Variants in CRAMP1 observed in about 807,000 individuals in gnomAD.
CRAMP1 encodes the protein cramped chromatin regulator 1.
Under a neutral mutation model 115.4 loss-of-function variants are expected in CRAMP1, and 50 were observed. The ratio of observed to expected loss-of-function variants is 0.43; its 90% CI spans 0.35 to 0.55. The LOEUF (loss-of-function observed/expected upper bound fraction) is 0.55. Among genes scored for constraint, CRAMP1 ranks in the 20% least tolerant of loss-of-function variants. The probability of loss-of-function intolerance (pLI) is 0.01; values close to 1 mark genes in which losing one functional copy is unlikely to be tolerated. For synonymous variants in CRAMP1, 866 were observed against 745.4 expected, an observed-to-expected ratio of 1.16 and a Z score of -2.64; for missense variants, 1,679 against 1,721.7, an observed-to-expected ratio of 0.98 and a Z score of 0.44.
intron 6 of CRAMP1, 141 bp downstream of exon 6, chr16:1,641,328 C>T (rs975824923): frequency 5.9e-6 from 4 of 672,272 alleles, no homozygotes; most frequent in Non-Finnish European, 1.1e-5. Context: ...TCAGTCCCAA[C>T]AAAAGGTGCT....
At chr16:1,665,806 G>A (rs2142206362) in intron 14 of CRAMP1, 1 of 474,352 alleles carries the variant, frequency 2.1e-6, no homozygotes, top group South Asian at 2.8e-5. Flanking sequence ...CCCTTCAAGA[G>A]CCATTTCCGC....
At chr16:1,634,569 G>A (rs1208185439) in intron 4 of CRAMP1, among the ~76,000 whole-genome samples, 4 of 152,030 alleles carry the variant, frequency 2.6e-5, no homozygotes, top group African/African-American at 7.2e-5. Flanking sequence ...TTCCTGACCT[G>A]GCACAGCAGG....
At chr16:1,643,830 C>T (rs1288782915) in intron 6 of CRAMP1, among the ~76,000 whole-genome samples, 2 of 152,250 alleles carry the variant, frequency 1.3e-5, no homozygotes, top group Admixed American at 6.5e-5. Flanking sequence ...GCATGTTGGC[C>T]AGAAGGCGGC....
At chr16:1,640,880 TG>T (rs1040693661) in intron 5 of CRAMP1, among the ~76,000 whole-genome samples, 2 of 152,100 alleles carry the variant, frequency 1.3e-5, no homozygotes, top group Admixed American at 1.3e-4. Context: ...GGTCAGAGGC[TG>T]GGTAGTGGGC....
intron 2 of CRAMP1, 106 bp downstream of exon 2, chr16:1,615,091 C>G: frequency 1.6e-6 from 1 of 615,970 alleles, no homozygotes. Flanking sequence ...TCACCCATCC[C>G]GCGGCCTACA....
chr16:1,669,071 C>G lies in CRAMP1; in HGVS notation c.3405C>G (p.Ser1135=). 6.2e-7 allele frequency: 1 copy of G among 1,612,354 alleles called. No homozygotes were observed. Among genetic ancestry groups the G allele is most frequent in the South Asian group, 1.1e-5 (1 of 90,672 alleles). Residue 1135 remains serine, a synonymous_variant, in exon 19 of 21, where the codon TCC becomes TCG. Coordinates refer to ENST00000397412, the MANE Select transcript of CRAMP1 (RefSeq NM_020825.4). The surrounding 1 kb of genome is among the most constrained non-coding windows in gnomAD (Gnocchi z 4.6). ...SDSSKSLPSP[S]SSPQPHWIAS... Reference sequence around the variant, plus strand: ...GTTCCAAGAGCCTTCCCTCCCCGTCCAGCAGCCCCCAGCCACACTGGATCG... The same window carrying G: ...GTTCCAAGAGCCTTCCCTCCCCGTCGAGCAGCCCCCAGCCACACTGGATCG...
intron 2 of CRAMP1, among the ~76,000 whole-genome samples, chr16:1,622,753 CTTTT>C (rs936343370): frequency 7.7e-6 from 1 of 129,362 alleles, no homozygotes; most frequent in African/African-American, 2.9e-5. Flanking sequence ...CGGCAGTCTA[CTTTT>C]TTTTTTTTTT....
At chr16:1,633,828 G>A (rs1042597599) in intron 4 of CRAMP1, among the ~76,000 whole-genome samples, 2 of 152,154 alleles carry the variant, frequency 1.3e-5, no homozygotes, top group African/African-American at 4.8e-5. Flanking sequence ...TCAGCACTTT[G>A]GGAGGCAGAG....
chr16:1,614,720 C>T lies in CRAMP1; in HGVS notation c.81C>T (p.Ser27=), dbSNP rs778881967. 3 of 1,361,758 alleles carry T rather than the reference C, an allele frequency of 2.2e-6. No homozygotes were observed. The highest frequency in any genetic ancestry group is 2.8e-5 in the Admixed American group (1 of 36,120). 84.4% of individuals were successfully genotyped at this position (1,361,758 alleles called of 1,614,324 possible). ...GCAAGCGGGCGGCCGATGAGGAGTC[C>T]CTGGAAGGAGAAGGGGCCGGCGGCG... ...KLGKRAADEE[S]LEGEGAGGAD... Residue 27 remains serine, a synonymous_variant, in exon 2 of 21, where the codon TCC becomes TCT. Transcript: ENST00000397412. The surrounding 1 kb of genome is among the most constrained non-coding windows in gnomAD (Gnocchi z 4.4).
intron 4 of CRAMP1, 22 bp from the exon 5 acceptor site, chr16:1,637,802 C>T (rs943247321): frequency 3.9e-5 from 54 of 1,390,084 alleles, no homozygotes; most frequent in Middle Eastern, 3.7e-4. Flanking sequence ...TCTCTAAAGC[C>T]GCCTTCTCTT....
Position 1,660,017 on chromosome 16 carries a change from C to A in CRAMP1, c.2367C>A (p.Leu789=), listed in dbSNP as rs1596495704. Residue 789 remains leucine, a synonymous_variant, in exon 11 of 21, where the codon CTC becomes CTA. Coordinates refer to ENST00000397412, the MANE Select transcript of CRAMP1 (RefSeq NM_020825.4). ...GCTGCCCTCGGAACCAGGCCTCCCT[C>A]CGCAGCAGCAAGACCTTCCCGCCCA... ...SPRCPRNQAS[L]RSSKTFPPSS... The A allele has an allele frequency of 6.2e-7, 1 of 1,601,992 alleles. No individual in the cohort carries two copies. The highest frequency in any genetic ancestry group is 1.1e-5 in the South Asian group (1 of 90,918).
chr16:1,667,978 C>A lies in CRAMP1; in HGVS notation c.3119C>A (p.Ser1040Tyr). The change falls in exon 18 of 21, where the codon TCC (serine) becomes TAC (tyrosine). Residue 1040 changes from serine to tyrosine, a missense_variant. This residue lies in a region of CRAMP1 where 709 missense variants were observed against 741.9 expected (regional missense o/e 0.96). Coordinates refer to ENST00000397412, the MANE Select transcript of CRAMP1 (RefSeq NM_020825.4). Reference sequence around the variant, plus strand: ...TCCCAGCAGGGCTCATCTGTTCTCTCCTTATCTGAGCTGCCCAAGGCCCCT... The same window carrying A: ...TCCCAGCAGGGCTCATCTGTTCTCTACTTATCTGAGCTGCCCAAGGCCCCT... ...ADSFQGSSVLSLSELPKAPLQ... is the reference protein window; with the variant it reads ...ADSFQGSSVLYLSELPKAPLQ... 4 of 1,610,420 alleles carry A rather than the reference C, an allele frequency of 2.5e-6. No homozygotes were observed. In the African/African-American group the frequency reaches 4.0e-5, roughly 16 times the overall value.
chr16:1,660,347 C>T (rs1474211371), intron 11 of CRAMP1, among the ~76,000 whole-genome samples: 2 of 152,182 alleles, frequency 1.3e-5, no homozygotes, highest in Non-Finnish European at 2.9e-5. Context: ...TTCATGGGGC[C>T]AGCAAAAGCC....
In CRAMP1 at chr16:1,656,241, C is replaced by A. The variant is rs373720836; in HGVS notation, c.1484C>A (p.Pro495His). The A allele has an allele frequency of 2.0e-4, 326 of 1,609,356 alleles. 1 individual carries two copies. In the South Asian group the frequency reaches 3.1e-3, roughly 15 times the overall value. ...SSGESSPESAPGEGAALSLSS... is the reference protein window; with the variant it reads ...SSGESSPESAHGEGAALSLSS... The stretch of plus-strand genomic sequence containing the variant: ...GGAGAGAGTTCCCCCGAAAGCGCCC[C>A]CGGGGAGGGGGCTGCCCTAAGCTTG... The change falls in exon 10 of 21, where the codon CCC becomes CAC. Residue 495 changes from proline to histidine, a missense_variant. Physicochemically the swap from Pro to His is moderately conservative, Grantham distance 77 (BLOSUM62 -2). Around this residue, in one of 8 missense-constraint regions of CRAMP1, gnomAD observed 405 missense variants for 302.6 expected, o/e 1.34. Coordinates refer to ENST00000397412, the MANE Select transcript of CRAMP1 (RefSeq NM_020825.4). The surrounding 1 kb of genome is among the most constrained non-coding windows in gnomAD (Gnocchi z 5.6).
chr16:1,669,233 G>A lies in CRAMP1; in HGVS notation c.3499+68G>A. 1 of 1,260,022 alleles carries A rather than the reference G, an allele frequency of 7.9e-7. No homozygotes were observed. Among genetic ancestry groups the A allele is most frequent in the Non-Finnish European group, 1.1e-6 (1 of 927,590 alleles). The allele number at this position is 1,260,022 out of a possible 1,614,324, so 78.1% of individuals were successfully genotyped here. The stretch of plus-strand genomic sequence containing the variant: ...CAGGGGCTGGGGTCTGCGGGACACT[G>A]GATTCTCATTCTACTCAAACTCCCA... On this transcript the variant is annotated intron_variant, in intron 19 of 20. Transcript: ENST00000397412. The surrounding 1 kb of genome is among the most constrained non-coding windows in gnomAD (Gnocchi z 4.6).
intron 6 of CRAMP1, among the ~76,000 whole-genome samples, chr16:1,644,977 C>T (rs927502645): frequency 1.3e-5 from 2 of 152,128 alleles, no homozygotes; most frequent in Non-Finnish European, 2.9e-5. Context: ...ACTGATATTA[C>T]AGGCATGATC....
chr16:1,649,690 C>T lies in CRAMP1; in HGVS notation c.828-2806C>T, dbSNP rs972787430. On this transcript the variant is annotated intron_variant, in intron 6 of 20. Coordinates refer to ENST00000397412, the MANE Select transcript of CRAMP1 (RefSeq NM_020825.4). The stretch of plus-strand genomic sequence containing the variant: ...ATTTTTAGTAGAGACGGGGTTTCAC[C>T]GTGTTAACCAGGATGGTCTCGAGCT... 5.3e-5 allele frequency among the ~76,000 whole-genome samples: 8 copies of T among 151,680 alleles called. No individual in the cohort carries two copies. The East Asian group carries it at 7.7e-4, about 15-fold the overall frequency.
In CRAMP1 at chr16:1,669,782, G is replaced by A. The variant is rs1374297836; in HGVS notation, c.3499+617G>A. ...CCATTTGGATGTCTGGGGTCTTCCC[G>A]CCCACAGTTGTACGGGGCCAGGGCT... On this transcript the variant is annotated intron_variant, in intron 19 of 20. Coordinates refer to ENST00000397412, the MANE Select transcript of CRAMP1 (RefSeq NM_020825.4). This position sits in a 1 kb window ranked among gnomAD's most constrained non-coding sequence, Gnocchi z 4.6. Among the ~76,000 whole-genome samples the A allele has an allele frequency of 6.6e-6, 1 of 152,158 alleles. No individual in the cohort carries two copies. Among genetic ancestry groups the A allele is most frequent in the Non-Finnish European group, 1.5e-5 (1 of 68,024 alleles).
chr16:1,653,915 G>T (rs969614224), intron 8 of CRAMP1, among the ~76,000 whole-genome samples: 5 of 151,924 alleles, frequency 3.3e-5, no homozygotes, highest in African/African-American at 9.7e-5. Flanking sequence ...GCCAAGGCAG[G>T]TGGATCACGA....
Sources: gnomAD v4.1 joint callset for allele counts (sites outside exome capture counted in the v4.1 genomes callset) on GRCh38, gnomAD v4.1.1 for gene constraint, gnomAD v4.1.1 regional missense constraint, Gnocchi (gnomAD v3.1) non-coding constraint, MANE v1.5 for transcripts, NCBI Gene and HGNC (gene_info 2026-07-23, HGNC 2026-07-21) for gene names.